The following SLC6A9 variants were observed in gnomAD, a reference collection of about 807,000 sequenced individuals.
SLC6A9 encodes the protein solute carrier family 6 member 9.
SLC6A9 carries 31 observed loss-of-function variants against 70.9 expected under a neutral mutation model. The ratio of observed to expected loss-of-function variants is 0.44; its 90% CI spans 0.33 to 0.59. The LOEUF is 0.59. Ranked by LOEUF, SLC6A9 falls within the 20% of genes least tolerant of loss-of-function variation. The probability of loss-of-function intolerance (pLI) is 0.04; values close to 1 mark genes in which losing one functional copy is unlikely to be tolerated. For missense variants in SLC6A9, 631 were observed against 845.2 expected (o/e 0.75, Z 3.14); for synonymous variants, 310 against 341.3 (o/e 0.91, Z 1.01).
chr1:44,017,979 G>A (rs1173840725), intron 2 of SLC6A9, among the ~76,000 whole-genome samples: 3 of 152,178 alleles, frequency 2.0e-5, no homozygotes, highest in Admixed American at 6.5e-5. Flanking sequence ...CACCACTACT[G>A]TAGTGGGATG....
chr1:44,002,707 C>CCCT lies in SLC6A9; in HGVS notation c.724-62_724-61insAGG, dbSNP rs1342129330. Reference sequence around the variant, plus strand: ...CTCCCCTCCCCTGGGCACCACCACCCTGGCTCCCTAATCACCACCAGCCCC... The same window carrying CCCT: ...CTCCCCTCCCCTGGGCACCACCACCCCCTTGGCTCCCTAATCACCACCAGCCCC... On this transcript the variant is annotated intron_variant, in intron 6 of 13. Transcript: ENST00000372310. The surrounding 1 kb of genome is among the most constrained non-coding windows in gnomAD (Gnocchi z 5.5). The CCCT allele has an allele frequency of 9.4e-4, 1,508 of 1,606,738 alleles. 9 individuals carry two copies. The African/African-American group carries it at 0.017, about 19-fold the overall frequency.
intron 5 of SLC6A9, 65 bp downstream of exon 5, chr1:44,008,287 TG>T (rs2086394639): frequency 2.0e-6 from 3 of 1,526,178 alleles, no homozygotes; most frequent in Non-Finnish European, 2.7e-6. Flanking sequence ...TGTCTTCAGA[TG>T]GTTGCCCAGT....
chr1:44,019,129 T>C (rs1448007951), intron 2 of SLC6A9, among the ~76,000 whole-genome samples: 1 of 152,110 alleles, frequency 6.6e-6, no homozygotes, highest in Non-Finnish European at 1.5e-5. Context: ...TAGTGAGCAT[T>C]AGTAATAATG....
intron 2 of SLC6A9, chr1:44,014,962 C>T (rs1275920243): frequency 1.3e-5 from 2 of 152,136 alleles, no homozygotes; most frequent in South Asian, 2.1e-4. Context: ...GATTCCCAGG[C>T]TAGATAGCCT....
chr1:44,002,738 C>A lies in SLC6A9; in HGVS notation c.724-92G>T. On this transcript the variant is annotated intron_variant, in intron 6 of 13. Coordinates refer to ENST00000372310, the MANE Select transcript of SLC6A9 (RefSeq NM_001024845.3). The surrounding 1 kb of genome is among the most constrained non-coding windows in gnomAD (Gnocchi z 5.5). Reference sequence around the variant, plus strand: ...CCCTAATCACCACCAGCCCCCTGGTCCCTCTCCGGCTCCGGAGTCCCTTCA... The same window carrying A: ...CCCTAATCACCACCAGCCCCCTGGTACCTCTCCGGCTCCGGAGTCCCTTCA... The A allele has an allele frequency of 1.3e-6, 2 of 1,591,730 alleles. No individual in the cohort carries two copies. The highest frequency in any genetic ancestry group is 2.2e-5 in the South Asian group (2 of 90,082).
In SLC6A9 at chr1:44,002,946, A is replaced by G; in HGVS notation, c.630T>C (p.Phe210=). The G allele has an allele frequency of 1.2e-6, 2 of 1,614,074 alleles. No homozygotes were observed. The highest frequency in any genetic ancestry group is 2.2e-5 in the East Asian group (1 of 44,890). The part of the protein sequence containing the change: ...VLKLSDDIGN[F]GEVRLPLLGC... The stretch of plus-strand genomic sequence containing the variant: ...CAAGGAGGGGCAGCCGCACCTCCCC[A>G]AAGTTCCCAATGTCATCTGACAGCT... The change falls in exon 6 of 14, where the codon TTT becomes TTC. Residue 210 remains phenylalanine (F), a synonymous_variant. Transcript: ENST00000372310. The surrounding 1 kb of genome is among the most constrained non-coding windows in gnomAD (Gnocchi z 5.5).
At chr1:44,015,875 C>T (rs1262160599) in intron 2 of SLC6A9, 5 of 985,324 alleles carry the variant, frequency 5.1e-6, no homozygotes, top group Non-Finnish European at 6.0e-6. Context: ...CTCCCCCGGG[C>T]CGAGCAGCCC....
intron 5 of SLC6A9, 26 bp downstream of exon 5, chr1:44,008,327 C>T (rs202006940): frequency 1.2e-5 from 19 of 1,610,500 alleles, no homozygotes; most frequent in South Asian, 2.2e-5. Flanking sequence ...AGGTTCCCCC[C>T]ACCCCAGGTC....
chr1:44,017,211 C>CTT, intron 2 of SLC6A9: 5 of 1,548,596 alleles, frequency 3.2e-6, no homozygotes, highest in South Asian at 2.4e-5. Context: ...GCGTCAATTA[C>CTT]TTTCACCTCA....
At chr1:44,029,475 G>A (rs925072966) in intron 1 of SLC6A9, among the ~76,000 whole-genome samples, 1 of 152,120 alleles carries the variant, frequency 6.6e-6, no homozygotes, top group African/African-American at 2.4e-5. Context: ...CCCGGCACCC[G>A]TTCCATGTTT....
At chr1:44,029,464 C>T (rs1285330733) in intron 1 of SLC6A9, among the ~76,000 whole-genome samples, 1 of 152,198 alleles carries the variant, frequency 6.6e-6, no homozygotes, top group South Asian at 2.1e-4. Context: ...CATGCCTTTG[C>T]CCCGGCACCC....
chr1:44,000,860 C>G lies in SLC6A9; in HGVS notation c.1443G>C (p.Arg481=). 2 of 1,608,174 alleles carry G rather than the reference C, an allele frequency of 1.2e-6. No homozygotes were observed. Among genetic ancestry groups the G allele is most frequent in the Non-Finnish European group, 1.7e-6 (2 of 1,177,122 alleles). Residue 481 remains arginine (R), a synonymous_variant, in exon 12 of 14, where the codon CGG becomes CGC. Coordinates refer to ENST00000372310, the MANE Select transcript of SLC6A9 (RefSeq NM_001024845.3). ...CVAIMYIYGH[R]NYFQDIQMML... Reference sequence around the variant, plus strand: ...TCATCTGGATGTCCTGGAAGTAGTTCCGGTGCCCTGGAGAGATGGGGGGTC... The same window carrying G: ...TCATCTGGATGTCCTGGAAGTAGTTGCGGTGCCCTGGAGAGATGGGGGGTC...
At chr1:44,009,396 T>G (rs921276825) in intron 4 of SLC6A9, among the ~76,000 whole-genome samples, 1 of 152,008 alleles carries the variant, frequency 6.6e-6, no homozygotes, top group Non-Finnish European at 1.5e-5. Context: ...ATTTTGTTTT[T>G]GTATTTTTAG....
chr1:44,022,722 C>CTTTTTTTTTTTTTTTTTTT (rs71307650), intron 2 of SLC6A9, among the ~76,000 whole-genome samples: 2 of 118,956 alleles, frequency 1.7e-5, no homozygotes, highest in Non-Finnish European at 3.3e-5. Flanking sequence ...TTCTTTCTTT[C>CTTTTTTTTTTTTTTTTTTT]TTTTTTTTTT....
At chr1:44,017,735 G>A (rs958754720) in intron 2 of SLC6A9, among the ~76,000 whole-genome samples, 5 of 152,256 alleles carry the variant, frequency 3.3e-5, no homozygotes, top group African/African-American at 1.2e-4. Flanking sequence ...CTTCCTAGGA[G>A]AATGCAACTG....
chr1:43,996,653 C>T lies in SLC6A9; in HGVS notation c.*892G>A, dbSNP rs1370765081. On this transcript the variant is annotated 3_prime_UTR_variant, in exon 14 of 14. Coordinates refer to ENST00000372310, the MANE Select transcript of SLC6A9 (RefSeq NM_001024845.3). ...CAAATGAACACTTCAGGGATTCAGA[C>T]ACTTCAGAAGGGGCTCCCACTCCAG... 1 of 156,856 alleles carries T rather than the reference C, an allele frequency of 6.4e-6. No homozygotes were observed. The highest frequency in any genetic ancestry group is 2.4e-5 in the African/African-American group (1 of 41,516). The allele number at this position is 156,856 out of a possible 1,614,324, so 9.7% of individuals were successfully genotyped here.
intron 2 of SLC6A9, among the ~76,000 whole-genome samples, chr1:44,023,818 C>T (rs1372492914): frequency 6.6e-6 from 1 of 152,056 alleles, no homozygotes; most frequent in African/African-American, 2.4e-5. Context: ...TGGGAGGCCT[C>T]AGGAGAGGAT....
chr1:44,012,632 A>T (rs2086612030), intron 2 of SLC6A9, among the ~76,000 whole-genome samples: 1 of 152,226 alleles, frequency 6.6e-6, no homozygotes, highest in Non-Finnish European at 1.5e-5. Flanking sequence ...CGGAGCTGGA[A>T]ATCTAGTGGG....
intron 1 of SLC6A9, among the ~76,000 whole-genome samples, chr1:44,025,619 G>C (rs905612339): frequency 6.6e-6 from 1 of 152,072 alleles, no homozygotes; most frequent in Non-Finnish European, 1.5e-5. Context: ...GGCCAACATG[G>C]TGAAACCCTG....
Sources: gnomAD v4.1 joint callset for allele counts (sites outside exome capture counted in the v4.1 genomes callset) on GRCh38, gnomAD v4.1.1 for gene constraint, Gnocchi (gnomAD v3.1) non-coding constraint, MANE v1.5 for transcripts, NCBI Gene and HGNC (gene_info 2026-07-23, HGNC 2026-07-21) for gene names.